The following BORCS5 variants were observed in gnomAD, a reference collection of about 807,000 sequenced individuals.
The protein encoded by BORCS5 is BLOC-1 related complex subunit 5, also known as BLOC-1-related complex subunit 5.
A neutral mutation model predicts 22.1 loss-of-function variants in BORCS5; 17 were observed. The ratio of observed to expected loss-of-function variants is 0.77; its 90% CI spans 0.53 to 1.15. BORCS5 has a LOEUF of 1.15. BORCS5 is among the 50% of genes most tolerant of loss of function. The pLI, the probability that BORCS5 is intolerant of heterozygous loss-of-function variation, is 0.00. For missense variants in BORCS5, 247 were observed against 253.2 expected, an observed-to-expected ratio of 0.98 and a Z score of 0.17; for synonymous variants, 117 against 99.8, an observed-to-expected ratio of 1.17 and a Z score of -1.03.
rs547423973 is a variant in BORCS5 at position 12,375,172 on chromosome 12, C to T, written c.202+13823C>T. ...TATTACAGGTGCCTGCCACCATGCCCGGCTAATTTTTGTATTTTTTTATAG... is the reference window on the plus strand; with the variant it reads ...TATTACAGGTGCCTGCCACCATGCCTGGCTAATTTTTGTATTTTTTTATAG... On this transcript the variant is annotated intron_variant, in intron 2 of 3. Coordinates refer to ENST00000314565, the MANE Select transcript of BORCS5 (RefSeq NM_058169.6). Among the ~76,000 whole-genome samples, 12 of 152,130 alleles carry T rather than the reference C, an allele frequency of 7.9e-5. No homozygotes were observed. The South Asian group carries it at 8.3e-4, about 11-fold the overall frequency.
chr12:12,399,363 A>G (rs1225254664), intron 2 of BORCS5, among the ~76,000 whole-genome samples: 1 of 152,194 alleles, frequency 6.6e-6, no homozygotes. Context: ...TTGTTCCCCA[A>G]ATCAACACTC....
At chr12:12,414,442 C>A (rs1941857073) in intron 2 of BORCS5, among the ~76,000 whole-genome samples, 2 of 101,552 alleles carry the variant, frequency 2.0e-5, no homozygotes, top group African/African-American at 3.8e-5. Context: ...GCTGACCCCC[C>A]CACCTCCCTC....
intron 2 of BORCS5, among the ~76,000 whole-genome samples, chr12:12,402,108 C>G (rs545561461): frequency 6.7e-6 from 1 of 149,452 alleles, no homozygotes; most frequent in African/African-American, 2.5e-5. Context: ...GATAACATTT[C>G]TTTTTGTAAA....
At chr12:12,450,955 T>C (rs549242545) in intron 3 of BORCS5, among the ~76,000 whole-genome samples, 1 of 152,342 alleles carries the variant, frequency 6.6e-6, no homozygotes, top group South Asian at 2.1e-4. Flanking sequence ...TTAAAATAAC[T>C]AGAGAATTTG....
chr12:12,369,873 C>T (rs541124082), intron 2 of BORCS5, among the ~76,000 whole-genome samples: 11 of 151,342 alleles, frequency 7.3e-5, no homozygotes, highest in East Asian at 1.9e-4. Context: ...TACAGGTGTG[C>T]GTCACCATGC....
intron 2 of BORCS5, among the ~76,000 whole-genome samples, chr12:12,386,974 T>C (rs1423101070): frequency 6.6e-6 from 1 of 150,390 alleles, no homozygotes; most frequent in Non-Finnish European, 1.5e-5. Context: ...AGTGATCCTC[T>C]AGCCTCAGCC....
chr12:12,392,617 A>G lies in BORCS5; in HGVS notation c.202+31268A>G, dbSNP rs1941224565. On this transcript the variant is annotated intron_variant, in intron 2 of 3. Coordinates refer to ENST00000314565, the MANE Select transcript of BORCS5 (RefSeq NM_058169.6). ...GTATCCTTATCTATAAATTGAGACTAAAAAGTACCCACATGACAAGGATGC... is the reference window on the plus strand; with the variant it reads ...GTATCCTTATCTATAAATTGAGACTGAAAAGTACCCACATGACAAGGATGC... 3.9e-5 allele frequency among the ~76,000 whole-genome samples: 6 copies of G among 152,168 alleles called. No individual in the cohort carries two copies. In the South Asian group the frequency reaches 1.0e-3, roughly 26 times the overall value.
Position 12,357,110 on chromosome 12 carries a change from C to A in BORCS5, c.-342C>A, listed in dbSNP as rs371578720. 128 of 1,534,582 alleles carry A rather than the reference C, an allele frequency of 8.3e-5. 2 individuals carry two copies. In the African/African-American group the frequency reaches 1.7e-3, roughly 20 times the overall value. On this transcript the variant is annotated 5_prime_UTR_variant, in exon 1 of 4. Coordinates refer to ENST00000314565, the MANE Select transcript of BORCS5 (RefSeq NM_058169.6). ...TCCCGGAAGGAGCGAGCTTGCGGAG[C>A]GTGAACCAGTGAGTGAAAGCGGCGC...
At chr12:12,464,069 C>T (rs980055918) in intron 3 of BORCS5, among the ~76,000 whole-genome samples, 1 of 151,024 alleles carries the variant, frequency 6.6e-6, no homozygotes, top group Non-Finnish European at 1.5e-5. Flanking sequence ...TGAAAAGGCC[C>T]AGCGGGTGAC....
intron 2 of BORCS5, among the ~76,000 whole-genome samples, chr12:12,380,632 C>G (rs1229674490): frequency 6.6e-6 from 1 of 151,506 alleles, no homozygotes; most frequent in East Asian, 1.9e-4. Context: ...TGGGTGGATT[C>G]TTAGGAACGG....
In BORCS5 at chr12:12,466,608, G is replaced by A. The variant is rs1943208352; in HGVS notation, c.*832G>A. On this transcript the variant is annotated 3_prime_UTR_variant, in exon 4 of 4. Coordinates refer to ENST00000314565, the MANE Select transcript of BORCS5 (RefSeq NM_058169.6). ...TCAAAAAGCTGCTGAATTTCTCTGGGAGTTTAGGAAAGGAAGTTATTTGAG... is the reference window on the plus strand; with the variant it reads ...TCAAAAAGCTGCTGAATTTCTCTGGAAGTTTAGGAAAGGAAGTTATTTGAG... 1 of 152,176 alleles carries A rather than the reference G, an allele frequency of 6.6e-6. No homozygotes were observed. The highest frequency in any genetic ancestry group is 2.4e-5 in the African/African-American group (1 of 41,426). The allele number at this position is 152,176 out of a possible 1,614,324, so 9.4% of individuals were successfully genotyped here.
intron 3 of BORCS5, among the ~76,000 whole-genome samples, chr12:12,444,936 AAAC>A (rs1331457700): frequency 6.6e-6 from 1 of 152,200 alleles, no homozygotes; most frequent in Non-Finnish European, 1.5e-5. Flanking sequence ...ATGAGCTTAA[AAAC>A]AACAACAACA....
intron 2 of BORCS5, among the ~76,000 whole-genome samples, chr12:12,391,255 T>C (rs1941176234): frequency 6.6e-6 from 1 of 152,058 alleles, no homozygotes; most frequent in Admixed American, 6.6e-5. Context: ...AAGGACCCTA[T>C]ACATGCTAGA....
chr12:12,404,257 G>C (rs1941544823), intron 2 of BORCS5, among the ~76,000 whole-genome samples: 1 of 152,162 alleles, frequency 6.6e-6, no homozygotes, highest in Non-Finnish European at 1.5e-5. Flanking sequence ...CTTTAGCCAA[G>C]GCCCAAGGGA....
chr12:12,430,950 C>A (rs1220632719), intron 2 of BORCS5, among the ~76,000 whole-genome samples: 1 of 152,130 alleles, frequency 6.6e-6, no homozygotes, highest in Non-Finnish European at 1.5e-5. Flanking sequence ...TATAGATATA[C>A]CCTGATTTAA....
At chr12:12,388,439 G>T (rs780004357) in intron 2 of BORCS5, among the ~76,000 whole-genome samples, 3 of 151,324 alleles carry the variant, frequency 2.0e-5, no homozygotes, top group Admixed American at 6.6e-5. Context: ...ACTGCTGGCC[G>T]AGGATAGTTA....
intron 2 of BORCS5, among the ~76,000 whole-genome samples, chr12:12,435,362 T>A (rs1324389582): frequency 6.6e-6 from 1 of 152,224 alleles, no homozygotes. Context: ...CTTGGCTTCC[T>A]CCTGTGTAAA....
At chr12:12,436,273 G>A (rs1428428662) in intron 3 of BORCS5, among the ~76,000 whole-genome samples, 1 of 152,148 alleles carries the variant, frequency 6.6e-6, no homozygotes, top group Non-Finnish European at 1.5e-5. Flanking sequence ...TGGTTTTATG[G>A]AAACAATTAC....
At chr12:12,422,478 G>A (rs1942157699) in intron 2 of BORCS5, among the ~76,000 whole-genome samples, 1 of 152,070 alleles carries the variant, frequency 6.6e-6, no homozygotes, top group Non-Finnish European at 1.5e-5. Flanking sequence ...GCCAGGCGTG[G>A]TGGCACATGC....
Sources: gnomAD v4.1 joint callset for allele counts (sites outside exome capture counted in the v4.1 genomes callset) on GRCh38, gnomAD v4.1.1 for gene constraint, MANE v1.5 for transcripts, NCBI Gene and HGNC (gene_info 2026-07-23, HGNC 2026-07-21) for gene names.